Variants in ADGRF5 observed in about 807,000 individuals in gnomAD.
ADGRF5 encodes G-protein coupled receptor 116.
A neutral mutation model predicts 132.3 loss-of-function variants in ADGRF5; 75 were observed. The observed-to-expected ratio is 0.57, with a 90% CI of 0.47 to 0.69. ADGRF5 has a LOEUF of 0.69. Ranked by LOEUF, ADGRF5 falls within the 30% of genes least tolerant of loss-of-function variation. The probability of loss-of-function intolerance (pLI) is 0.00; values close to 1 mark genes in which losing one functional copy is unlikely to be tolerated. For synonymous variants in ADGRF5, 629 were observed against 597.6 expected (o/e 1.05, Z -0.77); for missense variants, 1,516 against 1,630.6 (o/e 0.93, Z 1.21).
Position 46,858,744 on chromosome 6 carries a change from G to T in ADGRF5, c.3159C>A (p.Cys1053Ter). The change falls in exon 17 of 21, where the codon TGC (cysteine) becomes TGA (stop). Residue 1053 changes from cysteine (C) to a stop codon, truncating the protein, a stop_gained. Transcript: ENST00000283296. LOFTEE classifies it high-confidence loss of function. ...GAAGGGAGGCAGCGATATTCACTAT[G>T]CAGGTGTGGCGCATATAAGAAGTCC... ...KNRTSYMRHT[C>*]IVNIAASLLV... 6.2e-7 allele frequency: 1 copy of T among 1,614,140 alleles called. No homozygotes were observed. Among genetic ancestry groups the T allele is most frequent in the Non-Finnish European group, 8.5e-7 (1 of 1,180,008 alleles).
chr6:46,860,279 G>A (rs915207420), intron 16 of ADGRF5, among the ~76,000 whole-genome samples: 1 of 152,052 alleles, frequency 6.6e-6, no homozygotes, highest in Non-Finnish European at 1.5e-5. Flanking sequence ...ACCTCTGTAG[G>A]TATCCCTTCA....
chr6:46,878,748 C>A (rs1772105128), intron 9 of ADGRF5, among the ~76,000 whole-genome samples: 1 of 152,150 alleles, frequency 6.6e-6, no homozygotes, highest in Admixed American at 6.5e-5. Flanking sequence ...AGTATTTAAC[C>A]ATGTTGTAAA....
In ADGRF5 at chr6:46,906,884, G is replaced by T. The variant is rs1034681914; in HGVS notation, c.-24-98C>A. The T allele has an allele frequency of 6.8e-5, 46 of 679,280 alleles. No homozygotes were observed. In the African/African-American group the frequency reaches 7.7e-4, roughly 11 times the overall value. 42.1% of individuals were successfully genotyped at this position (679,280 alleles called of 1,614,324 possible). A position where few individuals can be genotyped will look rare whatever the true frequency, so the allele number is the denominator to read the frequency against. ...CTGTCTTAAAGGTCATCCTACACAA[G>T]AACTTTTCAAAAGAGACACAAAAGG... On this transcript the variant is annotated intron_variant, in intron 1 of 20. Coordinates refer to ENST00000283296, the MANE Select transcript of ADGRF5 (RefSeq NM_001098518.2).
In ADGRF5 at chr6:46,881,674, G is replaced by A. The variant is rs888053609; in HGVS notation, c.672-77C>T. Reference sequence around the variant, plus strand: ...TAGATATTTATGGCTTATTTGCTTAGGAAACAAAATAGCACAAACTGCCTG... The same window carrying A: ...TAGATATTTATGGCTTATTTGCTTAAGAAACAAAATAGCACAAACTGCCTG... On this transcript the variant is annotated intron_variant, in intron 7 of 20. Transcript: ENST00000283296. 1.0e-5 allele frequency: 14 copies of A among 1,337,982 alleles called. 1 individual carries two copies. In the South Asian group the frequency reaches 1.7e-4, roughly 16 times the overall value. 82.9% of individuals were successfully genotyped at this position (1,337,982 alleles called of 1,614,324 possible). A position where few individuals can be genotyped will look rare whatever the true frequency, so the allele number is the denominator to read the frequency against.
intron 3 of ADGRF5, 21 bp from the exon 4 acceptor site, chr6:46,888,526 G>A (rs677439): frequency 0.42 from 661,127 of 1,571,318 alleles, 147,115 homozygotes; most frequent in East Asian, 0.51. Flanking sequence ...AGCACATGAA[G>A]GCTGAGAGAA....
upstream of ADGRF5, among the ~76,000 whole-genome samples, chr6:46,922,788 T>C (rs1033129897): frequency 6.6e-6 from 1 of 152,220 alleles, no homozygotes; most frequent in Admixed American, 6.5e-5. Flanking sequence ...GTGAGTCCCA[T>C]GCAGGTAGTC....
intron 14 of ADGRF5, among the ~76,000 whole-genome samples, chr6:46,864,492 T>C (rs998533267): frequency 6.6e-6 from 1 of 151,986 alleles, no homozygotes; most frequent in Non-Finnish European, 1.5e-5. Context: ...ACCCACAACA[T>C]TTCTATTTAG....
chr6:46,897,181 T>A (rs1774275502), intron 3 of ADGRF5, among the ~76,000 whole-genome samples: 2 of 143,604 alleles, frequency 1.4e-5, no homozygotes, highest in East Asian at 2.0e-4. Flanking sequence ...CACACACATA[T>A]AAATTCAAGG....
At chr6:46,941,353 A>G (rs1014775657) in intron 1 of ADGRF5, among the ~76,000 whole-genome samples, 2 of 151,240 alleles carry the variant, frequency 1.3e-5, no homozygotes, top group African/African-American at 4.9e-5. Flanking sequence ...AGAGAGAGAA[A>G]GAGAGAAAAG....
chr6:46,954,435 CAAAAA>C (rs67742847), intron 1 of ADGRF5, among the ~76,000 whole-genome samples: 2 of 95,772 alleles, frequency 2.1e-5, no homozygotes, highest in South Asian at 3.6e-4. Context: ...ATGCAGAAGC[CAAAAA>C]AAAAAAAAAA....
intron 1 of ADGRF5, among the ~76,000 whole-genome samples, chr6:46,933,751 T>C (rs1263941614): frequency 6.6e-6 from 1 of 152,194 alleles, no homozygotes; most frequent in South Asian, 2.1e-4. Context: ...CTCAGCACAA[T>C]GAGGGGGTCC....
chr6:46,939,987 T>G (rs1015771139), intron 1 of ADGRF5, among the ~76,000 whole-genome samples: 1 of 152,098 alleles, frequency 6.6e-6, no homozygotes, highest in African/African-American at 2.4e-5. Flanking sequence ...GAGTTTGAAT[T>G]TCAAGGGCCC....
chr6:46,953,685 A>ATATATATATATATC (rs1326327311), intron 1 of ADGRF5, among the ~76,000 whole-genome samples: 32 of 126,942 alleles, frequency 2.5e-4, no homozygotes, highest in South Asian at 5.2e-4. Context: ...ATATATATAT[A>ATATATATATATATC]TATATCTCAC....
At chr6:46,918,420 T>G (rs220716) in intron 1 of ADGRF5, among the ~76,000 whole-genome samples, 138,208 of 152,284 alleles carry the variant, frequency 0.91, 62,771 homozygotes, top group African/African-American at 0.92. Context: ...TTAAAAAACA[T>G]CCATGACTTA....
At chr6:46,918,275 G>A (rs971567698) in intron 1 of ADGRF5, among the ~76,000 whole-genome samples, 1 of 152,128 alleles carries the variant, frequency 6.6e-6, no homozygotes, top group Non-Finnish European at 1.5e-5. Flanking sequence ...TAGGTCCTGG[G>A]GAAACTGAGA....
chr6:46,887,898 T>C (rs1773216827), intron 4 of ADGRF5: 1 of 154,618 alleles, frequency 6.5e-6, no homozygotes, highest in African/African-American at 2.4e-5. Context: ...CTGTTTCCTA[T>C]TTCCTGACCT....
At chr6:46,942,789 T>C (rs1778144460) in intron 1 of ADGRF5, among the ~76,000 whole-genome samples, 1 of 152,230 alleles carries the variant, frequency 6.6e-6, no homozygotes, top group Middle Eastern at 3.2e-3. Flanking sequence ...CCTTTTTCTC[T>C]TTCTTTGACA....
intron 1 of ADGRF5, among the ~76,000 whole-genome samples, chr6:46,914,675 C>T (rs1398197872): frequency 6.6e-6 from 1 of 151,544 alleles, no homozygotes; most frequent in Non-Finnish European, 1.5e-5. Context: ...CAAAAGATTG[C>T]CATCTATGTG....
chr6:46,889,818 C>T (rs1207048294), intron 3 of ADGRF5, among the ~76,000 whole-genome samples: 4 of 149,858 alleles, frequency 2.7e-5, no homozygotes, highest in Non-Finnish European at 5.9e-5. Context: ...TTCTATACCA[C>T]ATCATGTCTG....
Sources: allele counts gnomAD v4.1 joint callset (sites outside exome capture counted in the v4.1 genomes callset), GRCh38; gene constraint gnomAD v4.1.1; transcripts MANE v1.5; gene names NCBI Gene and HGNC (gene_info 2026-07-23, HGNC 2026-07-21).